TRPC6: variants seen among roughly 807,000 people sequenced by gnomAD.
TRPC6 encodes the protein transient receptor potential cation channel subfamily C member 6.
TRPC6 carries 55 observed loss-of-function variants against 90.7 expected under a neutral mutation model. The observed-to-expected ratio is 0.61, with a 90% CI of 0.49 to 0.76. TRPC6 has a LOEUF of 0.76. Among genes scored for constraint, TRPC6 ranks in the 30% least tolerant of loss-of-function variants. The probability of loss-of-function intolerance (pLI) is 0.00; values close to 1 mark genes in which losing one functional copy is unlikely to be tolerated. For missense variants in TRPC6, 989 were observed against 1,122.7 expected, an observed-to-expected ratio of 0.88 and a Z score of 1.70; for synonymous variants, 393 against 393.0, an observed-to-expected ratio of 1.00 and a Z score of 0.00.
intron 1 of TRPC6, among the ~76,000 whole-genome samples, chr11:101,528,059 T>C (rs1194262578): frequency 1.3e-5 from 2 of 152,020 alleles, no homozygotes; most frequent in Non-Finnish European, 2.9e-5. Flanking sequence ...GGTGACAGAG[T>C]GAGACTCCAT....
chr11:101,464,757 T>C (rs1240424418), intron 10 of TRPC6, among the ~76,000 whole-genome samples: 1 of 152,194 alleles, frequency 6.6e-6, no homozygotes. Context: ...TATGCCAGTC[T>C]GTGTCTTTTA....
intron 4 of TRPC6, among the ~76,000 whole-genome samples, chr11:101,484,595 A>ATGTGTGTGTGTGTGTGTG (rs61160203): frequency 1.2e-4 from 17 of 140,902 alleles, no homozygotes; most frequent in East Asian, 4.5e-4. Flanking sequence ...CTCTCATGCT[A>ATGTGTGTGTGTGTGTGTG]TGTGTGTGTG....
chr11:101,491,480 C>A (rs1426319479), intron 3 of TRPC6, 76 bp downstream of exon 3: 2 of 1,524,924 alleles, frequency 1.3e-6, no homozygotes, highest in Non-Finnish European at 1.8e-6. Flanking sequence ...CTTAATCTAA[C>A]AATATCAACC....
rs67536177 is a variant in TRPC6 at position 101,566,875 on chromosome 11, C to T, written c.170+16459G>A. Among the ~76,000 whole-genome samples the T allele has an allele frequency of 2.6e-5, 4 of 152,150 alleles. No individual in the cohort carries two copies. In the East Asian group the frequency reaches 7.7e-4, roughly 29 times the overall value. On this transcript the variant is annotated intron_variant, in intron 1 of 12. Transcript: ENST00000344327. ...GGCTTTTCCCACAGTCCTGGCAACC[C>T]GCAGACCAGGAGATTCCCTAGGGTG...
chr11:101,473,275 A>G (rs756575181), intron 7 of TRPC6, among the ~76,000 whole-genome samples: 1 of 152,084 alleles, frequency 6.6e-6, no homozygotes, highest in Non-Finnish European at 1.5e-5. Context: ...TAATAAAGGG[A>G]GGCATGCAAG....
chr11:101,456,464 A>C (rs1374084524), intron 10 of TRPC6, among the ~76,000 whole-genome samples: 1 of 152,198 alleles, frequency 6.6e-6, no homozygotes, highest in East Asian at 1.9e-4. Flanking sequence ...CACTAAGCCC[A>C]TTATGATAAA....
At chr11:101,519,357 A>G (rs1860598856) in intron 1 of TRPC6, among the ~76,000 whole-genome samples, 1 of 152,200 alleles carries the variant, frequency 6.6e-6, no homozygotes, top group African/African-American at 2.4e-5. Flanking sequence ...AATTTTAAAA[A>G]ATCAAATAAG....
intron 10 of TRPC6, chr11:101,455,460 G>T: frequency 4.5e-6 from 1 of 220,466 alleles, no homozygotes; most frequent in South Asian, 6.7e-5. Context: ...CATTGATGGG[G>T]GATCAACAGT....
At chr11:101,495,639 T>C (rs930695980) in intron 2 of TRPC6, among the ~76,000 whole-genome samples, 9 of 143,368 alleles carry the variant, frequency 6.3e-5, no homozygotes, top group African/African-American at 2.1e-4. Flanking sequence ...TTATTATCAT[T>C]GTTTTCATTA....
At chr11:101,562,018 C>T (rs1015668152) in intron 1 of TRPC6, among the ~76,000 whole-genome samples, 1 of 151,906 alleles carries the variant, frequency 6.6e-6, no homozygotes, top group Admixed American at 6.6e-5. Flanking sequence ...TAAGATATAC[C>T]GTAGGATCAC....
intron 1 of TRPC6, among the ~76,000 whole-genome samples, chr11:101,514,911 T>C (rs1424165474): frequency 6.6e-6 from 1 of 152,152 alleles, no homozygotes; most frequent in Non-Finnish European, 1.5e-5. Flanking sequence ...TTGCAAAATA[T>C]TTGGAAGAAC....
Position 101,471,369 on chromosome 11 carries a change from C to T in TRPC6, c.2223G>A (p.Glu741=), listed in dbSNP as rs1276661408. 3.7e-6 allele frequency: 6 copies of T among 1,613,732 alleles called. No individual in the cohort carries two copies. Among genetic ancestry groups the T allele is most frequent in the Non-Finnish European group, 3.4e-6 (4 of 1,179,818 alleles). Residue 741 remains glutamate (E), a synonymous_variant, in exon 9 of 13, where the codon GAG becomes GAA. Coordinates refer to ENST00000344327, the MANE Select transcript of TRPC6 (RefSeq NM_004621.6). ...FQEIEDDADV[E]WKFARAKLWF... ...AGAGTTTGGCCCTTGCAAATTTCCA[C>T]TCCACATCAGCGTCATCCTATACAA...
At position 101,579,401 on chromosome 11, in the gene TRPC6, GC is replaced by G. The variant is rs1862142777; in HGVS notation, c.170+3932del. 3.3e-5 allele frequency among the ~76,000 whole-genome samples: 5 copies of G among 152,068 alleles called. No individual in the cohort carries two copies. The South Asian group carries it at 1.0e-3, about 32-fold the overall frequency. ...CTTTTTAAAAAATCCACTAACTACT[GC>G]ATGTCTTATATCTACTCACTCATGG... On this transcript the variant is annotated intron_variant, in intron 1 of 12. Transcript: ENST00000344327.
intron 6 of TRPC6, among the ~76,000 whole-genome samples, chr11:101,475,268 A>G (rs1859384736): frequency 6.6e-6 from 1 of 152,144 alleles, no homozygotes. Context: ...TACTTTTTAT[A>G]TATCTTAAAT....
intron 1 of TRPC6, among the ~76,000 whole-genome samples, chr11:101,565,653 A>G (rs1861811764): frequency 6.6e-6 from 1 of 152,032 alleles, no homozygotes; most frequent in East Asian, 1.9e-4. Flanking sequence ...TAGACCCATC[A>G]TTTCTGCCCC....
intron 1 of TRPC6, among the ~76,000 whole-genome samples, chr11:101,524,549 T>A (rs1860734426): frequency 6.6e-6 from 1 of 152,238 alleles, no homozygotes; most frequent in Non-Finnish European, 1.5e-5. Flanking sequence ...GCCCAGGCCA[T>A]TTTTATCCCT....
At chr11:101,533,660 G>GC (rs1399439233) in intron 1 of TRPC6, among the ~76,000 whole-genome samples, 1 of 152,180 alleles carries the variant, frequency 6.6e-6, no homozygotes, top group Admixed American at 6.5e-5. Flanking sequence ...TGGGATCTTG[G>GC]TGTCACTCCT....
chr11:101,471,631 T>C (rs1204412039), intron 8 of TRPC6, among the ~76,000 whole-genome samples: 1 of 152,192 alleles, frequency 6.6e-6, no homozygotes, highest in African/African-American at 2.4e-5. Flanking sequence ...AAATACCTGA[T>C]AGATATAAAT....
At chr11:101,580,520 A>G (rs1862171943) in intron 1 of TRPC6, among the ~76,000 whole-genome samples, 1 of 152,160 alleles carries the variant, frequency 6.6e-6, no homozygotes, top group Non-Finnish European at 1.5e-5. Flanking sequence ...TTGCTCACAA[A>G]TAAGATAATT....
Sources: allele counts gnomAD v4.1 joint callset (sites outside exome capture counted in the v4.1 genomes callset), GRCh38; gene constraint gnomAD v4.1.1; transcripts MANE v1.5; gene names NCBI Gene and HGNC (gene_info 2026-07-23, HGNC 2026-07-21).